The following TEX36 variants were observed in gnomAD, a reference collection of about 807,000 sequenced individuals.
The protein encoded by TEX36 is testis-expressed protein 36.
A neutral mutation model predicts 13.6 loss-of-function variants in TEX36; 12 were observed. That is an observed-to-expected ratio of 0.88 (90% confidence interval 0.56 to 1.43). The LOEUF (loss-of-function observed/expected upper bound fraction) is 1.43. Among genes scored for constraint, TEX36 ranks in the 40% most tolerant of loss-of-function variants. TEX36 has a pLI of 0.00. For synonymous variants in TEX36, 93 were observed against 83.0 expected, an observed-to-expected ratio of 1.12 and a Z score of -0.65; for missense variants, 224 against 228.3, an observed-to-expected ratio of 0.98 and a Z score of 0.12.
intron 1 of TEX36, among the ~76,000 whole-genome samples, chr10:125,680,992 C>A (rs1847384410): frequency 1.3e-5 from 2 of 152,194 alleles, no homozygotes; most frequent in African/African-American, 4.8e-5. Flanking sequence ...CCTCAGACAC[C>A]CTTTTAGCTA....
At chr10:125,669,307 AAAAT>A (rs907977170) in intron 1 of TEX36, among the ~76,000 whole-genome samples, 3 of 151,254 alleles carry the variant, frequency 2.0e-5, no homozygotes, top group African/African-American at 7.3e-5. Flanking sequence ...ATAAATAAAT[AAAAT>A]AAATAAATAA....
At chr10:125,576,754 C>T (rs1589736017) in exon 4 of TEX36, 1 of 1,535,116 alleles carries the variant, frequency 6.5e-7, no homozygotes, top group South Asian at 1.2e-5. Context: ...AGAGCTCACA[C>T]TGCAAGGAGG....
chr10:125,612,656 C>A (rs1226256225), intron 3 of TEX36, among the ~76,000 whole-genome samples: 1 of 152,152 alleles, frequency 6.6e-6, no homozygotes, highest in Non-Finnish European at 1.5e-5. Context: ...CCTGCAGTAG[C>A]TCCCTTAGTA....
intron 3 of TEX36, among the ~76,000 whole-genome samples, chr10:125,610,158 A>T (rs1846272604): frequency 6.6e-6 from 1 of 152,242 alleles, no homozygotes; most frequent in Non-Finnish European, 1.5e-5. Context: ...AAAACTCATG[A>T]ATAATCCACC....
At chr10:125,661,729 A>C in intron 2 of TEX36, 117 bp downstream of exon 2, 1 of 1,368,656 alleles carries the variant, frequency 7.3e-7, no homozygotes, top group Non-Finnish European at 9.9e-7. Flanking sequence ...TAGGGGTCCA[A>C]GGATAGTAAA....
rs1354983928 is a variant in TEX36, at chr10:125,661,862, T to C, written c.167A>G (p.Tyr56Cys). The C allele has an allele frequency of 2.6e-6, 4 of 1,551,868 alleles. No homozygotes were observed. The highest frequency in any genetic ancestry group is 1.4e-5 in the African/African-American group (1 of 73,156). Residue 56 changes from tyrosine to cysteine, a missense_variant, in exon 2 of 4, where the codon TAC (tyrosine) becomes TGC (cysteine). Tyr to Cys is a radical substitution (Grantham distance 194, BLOSUM62 -2). Coordinates refer to ENST00000368821, the MANE Select transcript of TEX36 (RefSeq NM_001128202.3). ...AGGACTCACCTTCTCCCGGACTTTGTATATGGGCGGCAGCTTCCCCTCCGC... is the reference window on the plus strand; with the variant it reads ...AGGACTCACCTTCTCCCGGACTTTGCATATGGGCGGCAGCTTCCCCTCCGC... Reference protein sequence around the residue: ...RQAEGKLPPIYKVREKQAVNN... With the variant: ...RQAEGKLPPICKVREKQAVNN...
At chr10:125,592,487 C>T (rs1846033098) in intron 3 of TEX36, among the ~76,000 whole-genome samples, 1 of 152,152 alleles carries the variant, frequency 6.6e-6, no homozygotes. Flanking sequence ...CAGTGTTTTT[C>T]CTACTTTCTT....
rs539064240 is a variant in TEX36, at chr10:125,589,026, C to T, written c.265-12152G>A. 5.9e-5 allele frequency among the ~76,000 whole-genome samples: 9 copies of T among 152,342 alleles called. No homozygotes were observed. In the South Asian group the frequency reaches 1.9e-3, roughly 32 times the overall value. On this transcript the variant is annotated intron_variant, in intron 3 of 3. Coordinates refer to the TEX36 transcript ENST00000532135. ...GATTGAAACACCTCCCACTTGGCCC[C>T]ACCTCCAACGCTGGGGGTACCTTTC...
At chr10:125,618,609 G>T (rs1017396618), downstream of TEX36, among the ~76,000 whole-genome samples, 1 of 151,984 alleles carries the variant, frequency 6.6e-6, no homozygotes, top group Non-Finnish European at 1.5e-5. Context: ...GGGGGTCAGG[G>T]GTCACATTTT....
At chr10:125,614,804 T>C (rs2133554542) in intron 3 of TEX36, among the ~76,000 whole-genome samples, 1 of 152,354 alleles carries the variant, frequency 6.6e-6, no homozygotes, top group East Asian at 1.9e-4. Context: ...AGTAGTTTTT[T>C]CCAATTCTGT....
intron 3 of TEX36, among the ~76,000 whole-genome samples, chr10:125,644,576 T>C (rs557354424): frequency 2.8e-4 from 43 of 152,320 alleles, no homozygotes; most frequent in African/African-American, 9.4e-4. Context: ...CACGTAAAAC[T>C]GTGAAATCTG....
intron 3 of TEX36, among the ~76,000 whole-genome samples, chr10:125,608,655 C>G (rs978695341): frequency 2.6e-5 from 4 of 152,084 alleles, no homozygotes; most frequent in East Asian, 1.9e-4. Flanking sequence ...TCAGCCTCCC[C>G]GCTCAGCACA....
chr10:125,627,773 T>C (rs575385981), intron 3 of TEX36, among the ~76,000 whole-genome samples: 19 of 152,330 alleles, frequency 1.2e-4, no homozygotes, highest in African/African-American at 4.6e-4. Context: ...CGTGAGTCCT[T>C]GGGACACCAA....
At chr10:125,589,759 T>C (rs189072587) in intron 3 of TEX36, among the ~76,000 whole-genome samples, 46 of 152,342 alleles carry the variant, frequency 3.0e-4, no homozygotes, top group African/African-American at 1.1e-3. Flanking sequence ...ATCTCTTATG[T>C]ATAGTCATAT....
intron 1 of TEX36, among the ~76,000 whole-genome samples, chr10:125,673,897 T>C (rs1398600554): frequency 2.0e-5 from 3 of 152,088 alleles, no homozygotes; most frequent in Admixed American, 2.0e-4. Flanking sequence ...TGATTATGTG[T>C]CTTGGGGTTG....
At chr10:125,612,221 C>A (rs1846298858) in intron 3 of TEX36, among the ~76,000 whole-genome samples, 1 of 151,392 alleles carries the variant, frequency 6.6e-6, no homozygotes. Context: ...GTAGCTGGGA[C>A]TACAGGTGTG....
At chr10:125,632,786 A>G (rs937811392) in intron 3 of TEX36, among the ~76,000 whole-genome samples, 1 of 152,156 alleles carries the variant, frequency 6.6e-6, no homozygotes, top group Admixed American at 6.5e-5. Flanking sequence ...AGCCAGGTGA[A>G]TAAGCCAGCT....
chr10:125,593,898 G>C lies in TEX36; in HGVS notation c.265-17024C>G, dbSNP rs114454149. Among the ~76,000 whole-genome samples the C allele has an allele frequency of 4.8e-3, 733 of 152,286 alleles. 7 individuals are homozygous for C. Among genetic ancestry groups the C allele is most frequent in the African/African-American group, 0.016 (667 of 41,552 alleles). On this transcript the variant is annotated intron_variant, in intron 3 of 3. Coordinates refer to the TEX36 transcript ENST00000532135. ...GCCACTGGATTATACACTTAAAAATGGTTGATTTTATGTTATGCAAATTTC... is the reference window on the plus strand; with the variant it reads ...GCCACTGGATTATACACTTAAAAATCGTTGATTTTATGTTATGCAAATTTC...
At chr10:125,577,387 G>T (rs1845837076) in intron 3 of TEX36, among the ~76,000 whole-genome samples, 2 of 152,236 alleles carry the variant, frequency 1.3e-5, no homozygotes, top group African/African-American at 4.8e-5. Context: ...AATCCCAGCT[G>T]CTCAGAAGGC....
Sources: allele counts gnomAD v4.1 joint callset (sites outside exome capture counted in the v4.1 genomes callset), GRCh38; gene constraint gnomAD v4.1.1; transcripts MANE v1.5; gene names NCBI Gene and HGNC (gene_info 2026-07-23, HGNC 2026-07-21).